The following MLF2 variants were observed in gnomAD, a reference collection of about 807,000 sequenced individuals.
MLF2 encodes the protein myeloid leukemia factor 2.
A neutral mutation model predicts 31.4 loss-of-function variants in MLF2; 12 were observed. The observed-to-expected ratio is 0.38, with a 90% CI of 0.24 to 0.62. The LOEUF (loss-of-function observed/expected upper bound fraction) is 0.62, where lower values mean the gene tolerates loss of function less well. MLF2 is among the 20% of genes least tolerant of loss of function. The pLI is 0.58. For synonymous variants in MLF2, 109 were observed against 118.8 expected (o/e 0.92, Z 0.54); for missense variants, 272 against 359.7 (o/e 0.76, Z 1.97).
rs760461892 is a variant in MLF2 at position 6,750,773 on chromosome 12, G to C, written c.217-7C>G. ...TGTCCATGAAACCACCCGACTGGAG[G>C]AAAGAGATGGAAAACAGAGTCAGGA... On this transcript the variant is annotated splice_polypyrimidine_tract_variant and splice_region_variant and intron_variant, in intron 4 of 8. Transcript: ENST00000203630. The surrounding 1 kb of genome is among the most constrained non-coding windows in gnomAD (Gnocchi z 5.3). 2.2e-5 allele frequency: 35 copies of C among 1,613,582 alleles called. No individual in the cohort carries two copies. Among genetic ancestry groups the C allele is most frequent in the Non-Finnish European group, 2.8e-5 (33 of 1,179,704 alleles).
In MLF2 at chr12:6,749,723, C is replaced by CAAA. The variant is rs750197073; in HGVS notation, c.559+122_559+124dup. 0.075 allele frequency: 79,797 copies of CAAA among 1,067,980 alleles called. 1,013 individuals carry two copies. Among genetic ancestry groups the CAAA allele is most frequent in the Admixed American group, 0.083 (3,048 of 36,818 alleles). The allele number at this position is 1,067,980 out of a possible 1,614,324, so 66.2% of individuals were successfully genotyped here. On this transcript the variant is annotated intron_variant, in intron 7 of 8. Coordinates refer to ENST00000203630, the MANE Select transcript of MLF2 (RefSeq NM_001382226.1). The surrounding 1 kb of genome is among the most constrained non-coding windows in gnomAD (Gnocchi z 5.3). ...GGGCAACAAGAGCGAGACTCCATCT[C>CAAA]AAAAAAAAAAAAAAAGGAATATGGG... is the stretch of plus-strand genomic sequence containing the variant.
chr12:6,750,389 A>T lies in MLF2; in HGVS notation c.271-84T>A. ...ATTTCACCCTTCAGCTGCCTGTTCT[A>T]GCCTGTATCTTTCTCACAAAATGCA... is the stretch of plus-strand genomic sequence containing the variant. On this transcript the variant is annotated intron_variant, in intron 5 of 8. Transcript: ENST00000203630. The surrounding 1 kb of genome is among the most constrained non-coding windows in gnomAD (Gnocchi z 5.3). 6.7e-7 allele frequency: 1 copy of T among 1,486,334 alleles called. No homozygotes were observed. Among genetic ancestry groups the T allele is most frequent in the South Asian group, 1.3e-5 (1 of 77,896 alleles). 92.1% of individuals were successfully genotyped at this position (1,486,334 alleles called of 1,614,324 possible).
At position 6,752,151 on chromosome 12, in the gene MLF2, G is replaced by A. The variant is rs542400007; in HGVS notation, c.51-97C>T. 1.0e-5 allele frequency: 16 copies of A among 1,577,882 alleles called. No individual in the cohort carries two copies. The highest frequency in any genetic ancestry group is 2.3e-5 in the East Asian group (1 of 43,974). ...ATACGCACAGAGCAACAGTGGCACC[G>A]ATGCCTACTTCCTGCTAGGTAGGAG... On this transcript the variant is annotated intron_variant, in intron 2 of 8. Coordinates refer to ENST00000203630, the MANE Select transcript of MLF2 (RefSeq NM_001382226.1). The surrounding 1 kb of genome is among the most constrained non-coding windows in gnomAD (Gnocchi z 4.6).
At chr12:6,751,712 A>G (rs1265811216) in intron 3 of MLF2, 36 bp from the exon 4 acceptor site, 1 of 1,612,016 alleles carries the variant, frequency 6.2e-7, no homozygotes, top group Non-Finnish European at 8.5e-7. Flanking sequence ...ATTAGAGACC[A>G]CATCCTATCT....
In MLF2 at chr12:6,749,738, A is replaced by AAAAG; in HGVS notation, c.559+109_559+110insCTTT. 7.5e-7 allele frequency: 1 copy of AAAAG among 1,327,094 alleles called. No homozygotes were observed. The highest frequency in any genetic ancestry group is 1.0e-6 in the Non-Finnish European group (1 of 968,186). 82.2% of individuals were successfully genotyped at this position (1,327,094 alleles called of 1,614,324 possible). A position where few individuals can be genotyped will look rare whatever the true frequency, so the allele number is the denominator to read the frequency against. On this transcript the variant is annotated intron_variant, in intron 7 of 8. Transcript: ENST00000203630. This position sits in a 1 kb window ranked among gnomAD's most constrained non-coding sequence, Gnocchi z 5.3. Reference sequence around the variant, plus strand: ...GACTCCATCTCAAAAAAAAAAAAAAAGGAATATGGGGCTGACCCAGAGCTT... The same window carrying AAAAG: ...GACTCCATCTCAAAAAAAAAAAAAAAAAAGGGAATATGGGGCTGACCCAGAGCTT...
Position 6,749,875 on chromosome 12 carries a change from G to A in MLF2, c.532C>T (p.Arg178Trp), listed in dbSNP as rs371338765. Residue 178 changes from arginine (R) to tryptophan (W), a missense_variant, in exon 7 of 9, where the codon CGG becomes TGG. By Grantham distance (101) the Arg-to-Trp change is moderately radical. Coordinates refer to ENST00000203630, the MANE Select transcript of MLF2 (RefSeq NM_001382226.1). This position sits in a 1 kb window ranked among gnomAD's most constrained non-coding sequence, Gnocchi z 5.3. ...RNHRTGDQEE[R>W]QDYINLDESE... ...TCATCCAGGTTGATATAGTCCTGCC[G>A]CTCCTCCTGGTCCCCCGTGCGATGG... 19 of 1,614,056 alleles carry A rather than the reference G, an allele frequency of 1.2e-5. No homozygotes were observed. The highest frequency in any genetic ancestry group is 1.4e-5 in the Non-Finnish European group (16 of 1,180,044).
chr12:6,751,366 T>C (rs532975514), intron 4 of MLF2, among the ~76,000 whole-genome samples: 3 of 152,032 alleles, frequency 2.0e-5, no homozygotes, highest in Admixed American at 6.6e-5. Context: ...GCTTTTTTGG[T>C]ATTTTTAGTA....
Position 6,751,073 on chromosome 12 carries a change from G to A in MLF2, c.217-307C>T, listed in dbSNP as rs78330030. On this transcript the variant is annotated intron_variant, in intron 4 of 8. Coordinates refer to ENST00000203630, the MANE Select transcript of MLF2 (RefSeq NM_001382226.1). ...GGATTCTAAACTCTAAAGAGGTAAGGCATGAAATTGTTAAAACCTACCAAA... is the reference window on the plus strand; with the variant it reads ...GGATTCTAAACTCTAAAGAGGTAAGACATGAAATTGTTAAAACCTACCAAA... The A allele has an allele frequency of 9.9e-3, 3,626 of 367,194 alleles. 124 individuals carry two copies. Among genetic ancestry groups the A allele is most frequent in the African/African-American group, 0.069 (3,320 of 47,830 alleles). 22.7% of individuals were successfully genotyped at this position (367,194 alleles called of 1,614,324 possible). A position where few individuals can be genotyped will look rare whatever the true frequency, so the allele number is the denominator to read the frequency against.
Position 6,752,091 on chromosome 12 carries a change from C to T in MLF2, c.51-37G>A. ...GCACATAGTATGGATGGCAGAAGCG[C>T]CAAACTGTCAATCCCTCCACCACCC... On this transcript the variant is annotated intron_variant, in intron 2 of 8. Coordinates refer to ENST00000203630, the MANE Select transcript of MLF2 (RefSeq NM_001382226.1). This position sits in a 1 kb window ranked among gnomAD's most constrained non-coding sequence, Gnocchi z 4.6. 1 of 1,612,862 alleles carries T rather than the reference C, an allele frequency of 6.2e-7. No individual in the cohort carries two copies. Among genetic ancestry groups the T allele is most frequent in the South Asian group, 1.1e-5 (1 of 91,036 alleles).
At chr12:6,751,019 C>T (rs1270349997) in intron 4 of MLF2, 3 of 476,382 alleles carry the variant, frequency 6.3e-6, no homozygotes, top group African/African-American at 3.9e-5. Flanking sequence ...CTATATTCCC[C>T]CCATCTTTAG....
Position 6,748,687 on chromosome 12 carries a change from C to T in MLF2, c.*25+83G>A. On this transcript the variant is annotated intron_variant, in intron 8 of 8. Transcript: ENST00000203630. The surrounding 1 kb of genome is among the most constrained non-coding windows in gnomAD (Gnocchi z 4.6). ...TCAACTTGTACTACCAAAGGCAGCT[C>T]CTGCGGGAGCCTGAACTGAGCCTGC... The T allele has an allele frequency of 9.3e-7, 1 of 1,078,114 alleles. No homozygotes were observed. The highest frequency in any genetic ancestry group is 1.3e-6 in the Non-Finnish European group (1 of 769,326). The allele number at this position is 1,078,114 out of a possible 1,614,324, so 66.8% of individuals were successfully genotyped here.
At position 6,752,143 on chromosome 12, in the gene MLF2, G is replaced by T. The variant is rs1017607748; in HGVS notation, c.51-89C>A. On this transcript the variant is annotated intron_variant, in intron 2 of 8. Coordinates refer to ENST00000203630, the MANE Select transcript of MLF2 (RefSeq NM_001382226.1). The surrounding 1 kb of genome is among the most constrained non-coding windows in gnomAD (Gnocchi z 4.6). ...GCAAAAAAATACGCACAGAGCAACA[G>T]TGGCACCGATGCCTACTTCCTGCTA... The T allele has an allele frequency of 5.0e-6, 8 of 1,589,698 alleles. No individual in the cohort carries two copies. Among genetic ancestry groups the T allele is most frequent in the Middle Eastern group, 1.7e-4 (1 of 6,010 alleles).
rs931596016 is a variant in MLF2, at chr12:6,748,282, G to A, written c.*291C>T. The A allele has an allele frequency of 2.6e-5, 4 of 152,906 alleles. No individual in the cohort carries two copies. The highest frequency in any genetic ancestry group is 4.8e-5 in the African/African-American group (2 of 41,438). 9.5% of individuals were successfully genotyped at this position (152,906 alleles called of 1,614,324 possible). A position where few individuals can be genotyped will look rare whatever the true frequency, so the allele number is the denominator to read the frequency against. ...TGCATTGACCCTTCAATGCATGGCA[G>A]GAGTAGGATGGGAAAGGTGAGGGGG... On this transcript the variant is annotated 3_prime_UTR_variant, in exon 9 of 9. Coordinates refer to ENST00000203630, the MANE Select transcript of MLF2 (RefSeq NM_001382226.1). The surrounding 1 kb of genome is among the most constrained non-coding windows in gnomAD (Gnocchi z 4.6).
intron 4 of MLF2, chr12:6,751,015 TCCC>T (rs891009021): frequency 1.5e-4 from 72 of 480,984 alleles, no homozygotes; most frequent in Middle Eastern, 8.5e-4. Flanking sequence ...CTTGCTATAT[TCCC>T]CCCATCTTTA....
Position 6,750,218 on chromosome 12 carries a change from C to T in MLF2, c.358G>A (p.Val120Ile), listed in dbSNP as rs1283268853. Residue 120 changes from valine to isoleucine, a missense_variant, in exon 6 of 9, where the codon GTC (valine) becomes ATC (isoleucine). By Grantham distance (29) the Val-to-Ile change is conservative. Coordinates refer to ENST00000203630, the MANE Select transcript of MLF2 (RefSeq NM_001382226.1). This position sits in a 1 kb window ranked among gnomAD's most constrained non-coding sequence, Gnocchi z 5.3. ...CGCATCTCTGATGTCTCTTGGTAGA[C>T]CTTGGGGGCACCATCACCCGTATTG... is the stretch of plus-strand genomic sequence containing the variant. ...YSNTGDGAPK[V>I]YQETSEMRSA... 6.2e-7 allele frequency: 1 copy of T among 1,614,164 alleles called. No homozygotes were observed. The highest frequency in any genetic ancestry group is 2.2e-5 in the East Asian group (1 of 44,890).
chr12:6,751,013 A>G, intron 4 of MLF2: 1 of 488,336 alleles, frequency 2.0e-6, no homozygotes, highest in Non-Finnish European at 3.7e-6. Context: ...TGCTTGCTAT[A>G]TTCCCCCCAT....
chr12:6,752,297 G>T lies in MLF2; in HGVS notation c.38C>A (p.Pro13His). 6.4e-7 allele frequency: 1 copy of T among 1,561,792 alleles called. No homozygotes were observed. The highest frequency in any genetic ancestry group is 1.9e-5 in the Admixed American group (1 of 52,354). ...RFMRDVEPED[P>H]MFLMDPFAIH... ...AGGGAATACTCACATCAGGAACATG[G>T]GATCCTCAGGCTCCACGTCCCTCAT... The change falls in exon 2 of 9, where the codon CCC (proline) becomes CAC (histidine). Residue 13 changes from proline (P) to histidine (H), a missense_variant. Coordinates refer to ENST00000203630, the MANE Select transcript of MLF2 (RefSeq NM_001382226.1). This position sits in a 1 kb window ranked among gnomAD's most constrained non-coding sequence, Gnocchi z 4.6.
chr12:6,748,795 T>A lies in MLF2; in HGVS notation c.747A>T (p.Ter249CysextTer12). The change falls in exon 8 of 9, where the codon TGA becomes TGT. Residue 249 changes from the stop codon to cysteine (C), a stop_lost. Coordinates refer to ENST00000203630, the MANE Select transcript of MLF2 (RefSeq NM_001382226.1). This position sits in a 1 kb window ranked among gnomAD's most constrained non-coding sequence, Gnocchi z 4.6. ...PSRQSRRYDW[*>C] ...AAGAGAGGCTGAGGGCCCGGGGCCC[T>A]CACCAGTCATAGCGGCGGGACTGTC... 1 of 1,528,356 alleles carries A rather than the reference T, an allele frequency of 6.5e-7. No homozygotes were observed. Among genetic ancestry groups the A allele is most frequent in the Non-Finnish European group, 8.7e-7 (1 of 1,146,650 alleles). 94.7% of individuals were successfully genotyped at this position (1,528,356 alleles called of 1,614,324 possible). A position where few individuals can be genotyped will look rare whatever the true frequency, so the allele number is the denominator to read the frequency against.
At position 6,750,988 on chromosome 12, in the gene MLF2, C is replaced by A. The variant is rs1251936212; in HGVS notation, c.217-222G>T. On this transcript the variant is annotated intron_variant, in intron 4 of 8. Coordinates refer to ENST00000203630, the MANE Select transcript of MLF2 (RefSeq NM_001382226.1). The surrounding 1 kb of genome is among the most constrained non-coding windows in gnomAD (Gnocchi z 5.3). The stretch of plus-strand genomic sequence containing the variant: ...CTCAGTCTCTGTGACTGCTGTGATC[C>A]AATTTTCCTTCTCCTGCTTGCTATA... 5.6e-6 allele frequency: 3 copies of A among 532,608 alleles called. No homozygotes were observed. The highest frequency in any genetic ancestry group is 1.9e-5 in the African/African-American group (1 of 52,130). 33.0% of individuals were successfully genotyped at this position (532,608 alleles called of 1,614,324 possible). A position where few individuals can be genotyped will look rare whatever the true frequency, so the allele number is the denominator to read the frequency against.
Sources: allele counts gnomAD v4.1 joint callset (sites outside exome capture counted in the v4.1 genomes callset), GRCh38; gene constraint gnomAD v4.1.1; non-coding constraint Gnocchi (gnomAD v3.1); transcripts MANE v1.5; gene names NCBI Gene and HGNC (gene_info 2026-07-23, HGNC 2026-07-21).